Variants in DCC observed in about 807,000 individuals in gnomAD.
DCC encodes netrin receptor DCC.
In DCC, 58 loss-of-function variants were observed where a neutral mutation model predicts 172.5. That is an observed-to-expected ratio of 0.34 (90% CI 0.27 to 0.42). The LOEUF (loss-of-function observed/expected upper bound fraction) is 0.42, where lower values mean the gene tolerates loss of function less well. Among genes scored for constraint, DCC ranks in the 10% least tolerant of loss-of-function variants. The pLI, the probability that DCC is intolerant of heterozygous loss-of-function variation, is 1.00. For missense variants in DCC, 1,740 were observed against 1,791.0 expected, an observed-to-expected ratio of 0.97 and a Z score of 0.51; for synonymous variants, 709 against 644.5, an observed-to-expected ratio of 1.10 and a Z score of -1.52.
chr18:52,588,878 T>TA (rs1355200936), intron 1 of DCC, among the ~76,000 whole-genome samples: 3 of 152,036 alleles, frequency 2.0e-5, no homozygotes, highest in Non-Finnish European at 4.4e-5. Context: ...TTTTTTTTTT[T>TA]ACTGGTTTGA....
intron 22 of DCC, among the ~76,000 whole-genome samples, chr18:53,437,582 C>CAAAAAA (rs74180424): frequency 4.8e-5 from 1 of 20,832 alleles, no homozygotes; most frequent in Non-Finnish European, 7.5e-5. Flanking sequence ...GGCTCCATCT[C>CAAAAAA]AAAAAAAAAA....
intron 12 of DCC, among the ~76,000 whole-genome samples, chr18:53,289,454 T>C (rs549075657): frequency 1.3e-5 from 2 of 152,284 alleles, no homozygotes; most frequent in South Asian, 4.1e-4. Context: ...CTATTTATCT[T>C]AGTAGATTTA....
At chr18:52,812,220 C>T (rs1439771860) in intron 2 of DCC, among the ~76,000 whole-genome samples, 1 of 152,142 alleles carries the variant, frequency 6.6e-6, no homozygotes, top group Admixed American at 6.5e-5. Context: ...CTCAGCTACC[C>T]TTTCTGATAT....
chr18:52,680,714 T>A (rs1428594045), intron 1 of DCC, among the ~76,000 whole-genome samples: 1 of 152,116 alleles, frequency 6.6e-6, no homozygotes, highest in African/African-American at 2.4e-5. Context: ...GCAAATCATG[T>A]CATTTAGGTG....
At chr18:52,567,088 C>A (rs2033177968) in intron 1 of DCC, among the ~76,000 whole-genome samples, 1 of 151,992 alleles carries the variant, frequency 6.6e-6, no homozygotes, top group Admixed American at 6.6e-5. Context: ...TTATATTGGA[C>A]CCTATGAAGC....
At chr18:53,357,780 T>A (rs1414929917) in intron 15 of DCC, among the ~76,000 whole-genome samples, 1 of 152,196 alleles carries the variant, frequency 6.6e-6, no homozygotes, top group Non-Finnish European at 1.5e-5. Context: ...AGCATTTATG[T>A]ACAGTGCAGC....
At chr18:52,658,663 G>A (rs2035300413) in intron 1 of DCC, among the ~76,000 whole-genome samples, 1 of 152,028 alleles carries the variant, frequency 6.6e-6, no homozygotes, top group Non-Finnish European at 1.5e-5. Context: ...CTCCAAGTAA[G>A]CACCCTTCAT....
At chr18:53,509,419 G>C (rs2046223641) in intron 27 of DCC, among the ~76,000 whole-genome samples, 1 of 152,222 alleles carries the variant, frequency 6.6e-6, no homozygotes, top group Non-Finnish European at 1.5e-5. Context: ...GTGTGCCTGG[G>C]AATCACCTGC....
chr18:52,565,038 T>G (rs2033127809), intron 1 of DCC, among the ~76,000 whole-genome samples: 1 of 152,198 alleles, frequency 6.6e-6, no homozygotes, highest in East Asian at 1.9e-4. Flanking sequence ...AGGTCTTGCT[T>G]GGGAAGAAGC....
chr18:53,213,375 C>G (rs1412388343), intron 11 of DCC, among the ~76,000 whole-genome samples: 1 of 151,974 alleles, frequency 6.6e-6, no homozygotes. Context: ...CTCGGCCGGG[C>G]GTAGTGGCTC....
intron 1 of DCC, among the ~76,000 whole-genome samples, chr18:52,523,118 C>G (rs2031870188): frequency 6.6e-6 from 1 of 152,126 alleles, no homozygotes; most frequent in African/African-American, 2.4e-5. Context: ...ATCTTATTCC[C>G]AGATCTGCCA....
At chr18:53,423,943 A>G (rs1474684706) in intron 21 of DCC, among the ~76,000 whole-genome samples, 3 of 151,700 alleles carry the variant, frequency 2.0e-5, no homozygotes, top group Non-Finnish European at 4.4e-5. Context: ...TAGATTGGAC[A>G]GCTCAAAGTA....
intron 1 of DCC, among the ~76,000 whole-genome samples, chr18:52,552,097 C>T (rs1473188604): frequency 6.6e-6 from 1 of 152,056 alleles, no homozygotes; most frequent in Non-Finnish European, 1.5e-5. Flanking sequence ...AACCACTCAT[C>T]TAATAGTAGA....
intron 1 of DCC, among the ~76,000 whole-genome samples, chr18:52,554,387 T>C (rs2032855026): frequency 6.6e-6 from 1 of 152,080 alleles, no homozygotes; most frequent in African/African-American, 2.4e-5. Flanking sequence ...GCACTTGACT[T>C]GGAGTGACAT....
At chr18:52,626,486 A>G (rs1037568653) in intron 1 of DCC, among the ~76,000 whole-genome samples, 1 of 151,932 alleles carries the variant, frequency 6.6e-6, no homozygotes, top group African/African-American at 2.4e-5. Flanking sequence ...CATTCCTAAT[A>G]TACAAAAACC....
intron 2 of DCC, among the ~76,000 whole-genome samples, chr18:52,853,532 A>G (rs1230059873): frequency 3.9e-5 from 6 of 152,186 alleles, no homozygotes; most frequent in Non-Finnish European, 8.8e-5. Context: ...AACCAAATAG[A>G]TGGATTTAAT....
chr18:53,377,648 G>A (rs1568092232), intron 15 of DCC, among the ~76,000 whole-genome samples: 1 of 152,192 alleles, frequency 6.6e-6, no homozygotes, highest in South Asian at 2.1e-4. Context: ...TATTTATGGA[G>A]TCCTTACTGT....
chr18:52,448,462 G>GT (rs35383038), intron 1 of DCC, among the ~76,000 whole-genome samples: 4,871 of 149,432 alleles, frequency 0.033, 226 homozygotes, highest in African/African-American at 0.11. Context: ...AATTTATAGA[G>GT]TTTTTTTTTT....
intron 2 of DCC, among the ~76,000 whole-genome samples, chr18:52,796,531 G>C (rs923934115): frequency 2.0e-5 from 3 of 152,068 alleles, no homozygotes; most frequent in Admixed American, 6.5e-5. Context: ...TTCAGCTTTT[G>C]CTTGTCTGGG....
Sources: gnomAD v4.1 joint callset for allele counts (sites outside exome capture counted in the v4.1 genomes callset) on GRCh38, gnomAD v4.1.1 for gene constraint, MANE v1.5 for transcripts, NCBI Gene and HGNC (gene_info 2026-07-23, HGNC 2026-07-21) for gene names.